The following DAPK1 variants were observed in gnomAD, a reference collection of about 807,000 sequenced individuals.
DAPK1 encodes death-associated protein kinase 1.
A neutral mutation model predicts 144.9 loss-of-function variants in DAPK1; 56 were observed. The ratio of observed to expected loss-of-function variants is 0.39; its 90% CI spans 0.31 to 0.48. The LOEUF is 0.48. Ranked by LOEUF, DAPK1 falls within the 20% of genes least tolerant of loss-of-function variation. DAPK1 has a pLI of 0.95. For missense variants in DAPK1, 1,454 were observed against 1,875.4 expected (o/e 0.78, Z 4.15); for synonymous variants, 690 against 749.0 (o/e 0.92, Z 1.29).
chr9:87,665,919 C>T (rs1831035152), intron 18 of DAPK1, among the ~76,000 whole-genome samples: 1 of 152,164 alleles, frequency 6.6e-6, no homozygotes, highest in Non-Finnish European at 1.5e-5. Flanking sequence ...ACTTGGCCAT[C>T]TTTCTATATC....
rs886961625 is a variant in DAPK1, at chr9:87,707,710, AT to A, written c.*354del. On this transcript the variant is annotated 3_prime_UTR_variant, in exon 26 of 26. Transcript: ENST00000408954. This position sits in a 1 kb window ranked among gnomAD's most constrained non-coding sequence, Gnocchi z 4.0. ...CTGGAATTCCTAACTTTTCAATGAC[AT>A]TTTTTTTAACTACTATATTGATTGT... The A allele has an allele frequency of 2.5e-4, 106 of 422,698 alleles. No individual in the cohort carries two copies. The highest frequency in any genetic ancestry group is 5.1e-4 in the South Asian group (25 of 48,580). 26.2% of individuals were successfully genotyped at this position (422,698 alleles called of 1,614,324 possible). A position where few individuals can be genotyped will look rare whatever the true frequency, so the allele number is the denominator to read the frequency against.
chr9:87,504,486 G>A lies in DAPK1; in HGVS notation c.62+5347G>A, dbSNP rs11141855. Among the ~76,000 whole-genome samples, 1,219 of 152,192 alleles carry A rather than the reference G, an allele frequency of 8.0e-3. 28 individuals carry two copies. In the East Asian group the frequency reaches 0.086, roughly 11 times the overall value. ...GAGTAGGTGGAGGTGCTTATTGGTC[G>A]GGAAGCCAGGGAACATGGAAGCTCA... On this transcript the variant is annotated intron_variant, in intron 2 of 25. Transcript: ENST00000408954.
chr9:87,703,163 G>A lies in DAPK1; in HGVS notation c.3006G>A (p.Leu1002=), dbSNP rs760280540. 29 of 1,612,622 alleles carry A rather than the reference G, an allele frequency of 1.8e-5. No individual in the cohort carries two copies. In the South Asian group the frequency reaches 3.0e-4, roughly 16 times the overall value. ...VYDVQDQLNP[L]ASEEDLRRIA... is the part of the protein sequence containing the mutation. Reference sequence around the variant, plus strand: ...ACGTGCAGGACCAGCTGAACCCCCTGGCCAGCGAGGAGGACCTCAGGCGCA... The same window carrying A: ...ACGTGCAGGACCAGCTGAACCCCCTAGCCAGCGAGGAGGACCTCAGGCGCA... Residue 1002 remains leucine (L), a synonymous_variant, in exon 25 of 26, where the codon CTG becomes CTA. Coordinates refer to ENST00000408954, the MANE Select transcript of DAPK1 (RefSeq NM_004938.4).
intron 18 of DAPK1, among the ~76,000 whole-genome samples, chr9:87,665,978 G>A (rs1831037047): frequency 6.6e-6 from 1 of 152,188 alleles, no homozygotes; most frequent in Non-Finnish European, 1.5e-5. Flanking sequence ...TTGGTAAGGA[G>A]GAGGGCAGCA....
At chr9:87,610,111 C>T (rs1258186542) in intron 3 of DAPK1, among the ~76,000 whole-genome samples, 1 of 152,142 alleles carries the variant, frequency 6.6e-6, no homozygotes, top group African/African-American at 2.4e-5. Context: ...CAGGATCTGC[C>T]CTTTACCATT....
At chr9:87,552,570 G>A (rs1826534940) in intron 2 of DAPK1, among the ~76,000 whole-genome samples, 1 of 151,884 alleles carries the variant, frequency 6.6e-6, no homozygotes, top group African/African-American at 2.4e-5. Flanking sequence ...TTTTATTGTT[G>A]TATAATGCAC....
rs1247136568 is a variant in DAPK1, at chr9:87,545,300, C to T, written c.62+46161C>T. On this transcript the variant is annotated intron_variant, in intron 2 of 25. Coordinates refer to ENST00000408954, the MANE Select transcript of DAPK1 (RefSeq NM_004938.4). ...TTAGAAAGGGTTCCTGAACCAACAGCTAAACTGTTGTTAATCTCAGCTCTG... is the reference window on the plus strand; with the variant it reads ...TTAGAAAGGGTTCCTGAACCAACAGTTAAACTGTTGTTAATCTCAGCTCTG... Among the ~76,000 whole-genome samples, 5 of 152,182 alleles carry T rather than the reference C, an allele frequency of 3.3e-5. No homozygotes were observed. The South Asian group carries it at 8.3e-4, about 25-fold the overall frequency.
chr9:87,640,955 G>T (rs1830073435), intron 9 of DAPK1, 108 bp downstream of exon 9: 3 of 1,086,142 alleles, frequency 2.8e-6, no homozygotes, highest in Non-Finnish European at 4.3e-6. Flanking sequence ...CACACCTGGA[G>T]TGTTAAGTTT....
At chr9:87,645,787 T>G (rs750899370) in intron 11 of DAPK1, 108 bp from the exon 12 acceptor site, 29 of 1,428,860 alleles carry the variant, frequency 2.0e-5, no homozygotes, top group Non-Finnish European at 2.4e-5. Flanking sequence ...ATGGCTTACT[T>G]TCCTCTGAAT....
intron 21 of DAPK1, among the ~76,000 whole-genome samples, chr9:87,691,142 G>T (rs899090571): frequency 6.6e-6 from 1 of 151,832 alleles, no homozygotes; most frequent in Non-Finnish European, 1.5e-5. Flanking sequence ...TCTCTTTTTG[G>T]GGAGGCTTTT....
chr9:87,702,041 T>A (rs1469822513), intron 24 of DAPK1: 8 of 290,424 alleles, frequency 2.8e-5, no homozygotes, highest in African/African-American at 8.8e-5. Flanking sequence ...GGAGGGAGTG[T>A]CCCTGGAGAT....
chr9:87,675,532 C>T (rs928405480), intron 19 of DAPK1, among the ~76,000 whole-genome samples: 7 of 152,018 alleles, frequency 4.6e-5, no homozygotes, highest in East Asian at 1.9e-4. Flanking sequence ...ACCCGAGAGG[C>T]GGCACAGCTC....
At chr9:87,571,757 G>T (rs974710345) in intron 2 of DAPK1, among the ~76,000 whole-genome samples, 2 of 152,146 alleles carry the variant, frequency 1.3e-5, no homozygotes, top group African/African-American at 2.4e-5. Flanking sequence ...AGAGAGCTTG[G>T]GGGCCTTTGG....
intron 19 of DAPK1, among the ~76,000 whole-genome samples, chr9:87,675,628 C>T (rs1824338615): frequency 6.6e-6 from 1 of 151,856 alleles, no homozygotes; most frequent in African/African-American, 2.4e-5. Context: ...AGGAATTCTC[C>T]CGGCTGCTCA....
At chr9:87,593,598 T>TTAGC (rs1828214953) in intron 2 of DAPK1, among the ~76,000 whole-genome samples, 1 of 152,236 alleles carries the variant, frequency 6.6e-6, no homozygotes, top group East Asian at 1.9e-4. Flanking sequence ...CTCTTTCCCT[T>TTAGC]TAGCTGGTTC....
At chr9:87,612,540 T>C (rs560026453) in intron 3 of DAPK1, among the ~76,000 whole-genome samples, 43 of 152,322 alleles carry the variant, frequency 2.8e-4, no homozygotes, top group African/African-American at 1.0e-3. Flanking sequence ...AGCAGGTTGT[T>C]GTTTTAAACC....
At chr9:87,520,749 GTT>G (rs1825265662) in intron 2 of DAPK1, among the ~76,000 whole-genome samples, 1 of 152,152 alleles carries the variant, frequency 6.6e-6, no homozygotes, top group African/African-American at 2.4e-5. Context: ...GAATTGAAAT[GTT>G]TGTGTGTGTA....
intron 2 of DAPK1, among the ~76,000 whole-genome samples, chr9:87,511,812 G>A (rs1824857995): frequency 6.6e-6 from 1 of 151,738 alleles, no homozygotes; most frequent in African/African-American, 2.4e-5. Context: ...CTGGTTTCAA[G>A]CGATTCTCCT....
intron 9 of DAPK1, 28 bp from the exon 10 acceptor site, chr9:87,641,941 A>G (rs1830112460): frequency 6.3e-7 from 1 of 1,578,398 alleles, no homozygotes; most frequent in South Asian, 1.1e-5. Flanking sequence ...TGAGAGCTTT[A>G]ATTTTTTTTC....
Sources: gnomAD v4.1 joint callset for allele counts (sites outside exome capture counted in the v4.1 genomes callset) on GRCh38, gnomAD v4.1.1 for gene constraint, Gnocchi (gnomAD v3.1) non-coding constraint, MANE v1.5 for transcripts, NCBI Gene and HGNC (gene_info 2026-07-23, HGNC 2026-07-21) for gene names.